Variants in MTDH observed in about 807,000 individuals in gnomAD.
The protein encoded by MTDH is protein LYRIC.
A neutral mutation model predicts 72.7 loss-of-function variants in MTDH; 34 were observed. The observed-to-expected ratio is 0.47, with a 90% CI of 0.36 to 0.62. The LOEUF (loss-of-function observed/expected upper bound fraction) is 0.62, where lower values mean the gene tolerates loss of function less well. MTDH is among the 20% of genes least tolerant of loss of function. MTDH has a pLI of 0.00. For missense variants in MTDH, 677 were observed against 699.4 expected, an observed-to-expected ratio of 0.97 and a Z score of 0.36; for synonymous variants, 266 against 268.9, an observed-to-expected ratio of 0.99 and a Z score of 0.10.
In MTDH at chr8:97,687,462, A is replaced by G; in HGVS notation, c.602A>G (p.Lys201Arg). The G allele has an allele frequency of 1.9e-6, 3 of 1,604,550 alleles. No individual in the cohort carries two copies. The highest frequency in any genetic ancestry group is 1.7e-5 in the Admixed American group (1 of 58,264). The part of the protein sequence containing the change: ...AWETKISHRE[K>R]RQQRKRDKVL... ...GAAACTAAAATTAGTCACAGAGAGAAACGACAGCAGCGTAAACGTGATAAG... is the reference window on the plus strand; with the variant it reads ...GAAACTAAAATTAGTCACAGAGAGAGACGACAGCAGCGTAAACGTGATAAG... The change falls in exon 4 of 12, where the codon AAA becomes AGA. Residue 201 changes from lysine (K) to arginine (R), a missense_variant. Around this residue, in one of 3 missense-constraint regions of MTDH, gnomAD observed 467 missense variants for 469.1 expected, o/e 1.00. Transcript: ENST00000336273.
chr8:97,702,293 A>G (rs915103347), intron 7 of MTDH, among the ~76,000 whole-genome samples: 2 of 152,198 alleles, frequency 1.3e-5, no homozygotes, highest in African/African-American at 4.8e-5. Context: ...CTTCAGCATA[A>G]TGGAGTGGTT....
chr8:97,702,725 AT>A (rs1814185735), intron 7 of MTDH, among the ~76,000 whole-genome samples: 1 of 152,260 alleles, frequency 6.6e-6, no homozygotes, highest in Admixed American at 6.5e-5. Flanking sequence ...ACATTATTCC[AT>A]AAGTGAATTA....
chr8:97,661,256 TTGTATG>T (rs1463754235), intron 2 of MTDH, 83 bp downstream of exon 2: 3 of 1,006,262 alleles, frequency 3.0e-6, no homozygotes, highest in Non-Finnish European at 4.5e-6. Context: ...TTTCATAAGA[TTGTATG>T]TATACCTCTC....
At chr8:97,648,618 C>T (rs892706835) in intron 1 of MTDH, among the ~76,000 whole-genome samples, 1 of 152,084 alleles carries the variant, frequency 6.6e-6, no homozygotes, top group African/African-American at 2.4e-5. Context: ...TTTGGCCTCC[C>T]AAAATGTTGG....
At chr8:97,666,970 T>A (rs1017545998) in intron 2 of MTDH, among the ~76,000 whole-genome samples, 1 of 151,722 alleles carries the variant, frequency 6.6e-6, no homozygotes. Flanking sequence ...GTGCTGGGAT[T>A]ATAGGTGAGA....
chr8:97,665,276 G>A (rs1000161862), intron 2 of MTDH, among the ~76,000 whole-genome samples: 6 of 152,102 alleles, frequency 3.9e-5, no homozygotes, highest in African/African-American at 1.4e-4. Flanking sequence ...AACTGTATAT[G>A]ACAAGATCTT....
chr8:97,709,911 A>T (rs996790666), intron 8 of MTDH, among the ~76,000 whole-genome samples: 4 of 152,244 alleles, frequency 2.6e-5, no homozygotes, highest in African/African-American at 4.8e-5. Context: ...TGATTTCAGC[A>T]TCTTCCCATT....
intron 2 of MTDH, among the ~76,000 whole-genome samples, chr8:97,670,167 T>A (rs1362103616): frequency 6.6e-6 from 1 of 151,674 alleles, no homozygotes; most frequent in Non-Finnish European, 1.5e-5. Flanking sequence ...ATACAAAAAT[T>A]AGCCAGGCAC....
chr8:97,663,468 G>A (rs992696339), intron 2 of MTDH, among the ~76,000 whole-genome samples: 1 of 152,028 alleles, frequency 6.6e-6, no homozygotes, highest in Admixed American at 6.6e-5. Context: ...TATGGTTGTT[G>A]CTGGGCGCGG....
At chr8:97,646,389 T>C (rs1231247171) in intron 1 of MTDH, among the ~76,000 whole-genome samples, 1 of 152,180 alleles carries the variant, frequency 6.6e-6, no homozygotes, top group African/African-American at 2.4e-5. Flanking sequence ...AATTTAAAAA[T>C]TTGTGGAGAC....
intron 2 of MTDH, among the ~76,000 whole-genome samples, chr8:97,683,044 A>C (rs1412913736): frequency 1.2e-4 from 9 of 73,350 alleles, no homozygotes; most frequent in African/African-American, 1.8e-4. Flanking sequence ...GCTCTTAGAC[A>C]CTTTTTTTTT....
intron 2 of MTDH, among the ~76,000 whole-genome samples, chr8:97,662,081 A>G (rs1812193195): frequency 6.6e-6 from 1 of 152,048 alleles, no homozygotes; most frequent in African/African-American, 2.4e-5. Context: ...TACTTGACTT[A>G]ATCTAGCTTG....
At chr8:97,664,310 C>A (rs1054795981) in intron 2 of MTDH, among the ~76,000 whole-genome samples, 11 of 151,664 alleles carry the variant, frequency 7.3e-5, no homozygotes, top group African/African-American at 2.4e-4. Flanking sequence ...GAGCTGAGAT[C>A]GTACCATTGC....
At chr8:97,714,528 C>T (rs1255519068) in intron 9 of MTDH, among the ~76,000 whole-genome samples, 3 of 151,348 alleles carry the variant, frequency 2.0e-5, no homozygotes, top group South Asian at 2.1e-4. Flanking sequence ...CACTTGAGCC[C>T]GGGAGGCAGA....
At chr8:97,702,211 T>G (rs1814160512) in intron 7 of MTDH, among the ~76,000 whole-genome samples, 1 of 152,232 alleles carries the variant, frequency 6.6e-6, no homozygotes, top group Non-Finnish European at 1.5e-5. Context: ...AGGAACAGCA[T>G]TATTGTAACC....
At chr8:97,698,111 C>G (rs1813945511) in intron 6 of MTDH, among the ~76,000 whole-genome samples, 1 of 152,108 alleles carries the variant, frequency 6.6e-6, no homozygotes, top group Non-Finnish European at 1.5e-5. Context: ...CATCTGTAAC[C>G]AAGAAGAAAT....
intron 7 of MTDH, among the ~76,000 whole-genome samples, chr8:97,703,183 A>G (rs1235380850): frequency 4.6e-5 from 7 of 152,090 alleles, no homozygotes. Flanking sequence ...TAGGCAGCAT[A>G]GTGAGACCCC....
In MTDH at chr8:97,656,080, C is replaced by A. The variant is rs979645342; in HGVS notation, c.382-4992C>A. Among the ~76,000 whole-genome samples, 6 of 152,060 alleles carry A rather than the reference C, an allele frequency of 3.9e-5. No individual in the cohort carries two copies. In the South Asian group the frequency reaches 1.2e-3, roughly 32 times the overall value. On this transcript the variant is annotated intron_variant, in intron 1 of 11. Coordinates refer to ENST00000336273, the MANE Select transcript of MTDH (RefSeq NM_178812.4). ...AGTTGGTAGACTGCCCTTCTAGTTTCTAAACCTAAGAAGTTTCTAGGTCAT... is the reference window on the plus strand; with the variant it reads ...AGTTGGTAGACTGCCCTTCTAGTTTATAAACCTAAGAAGTTTCTAGGTCAT...
intron 9 of MTDH, among the ~76,000 whole-genome samples, chr8:97,718,413 T>C (rs564566065): frequency 6.6e-6 from 1 of 152,376 alleles, no homozygotes; most frequent in South Asian, 2.1e-4. Context: ...CTTTCTACTA[T>C]GTAAGCTTAA....
Sources: allele counts gnomAD v4.1 joint callset (sites outside exome capture counted in the v4.1 genomes callset), GRCh38; gene constraint gnomAD v4.1.1; regional missense constraint gnomAD v4.1.1; transcripts MANE v1.5; gene names NCBI Gene and HGNC (gene_info 2026-07-23, HGNC 2026-07-21).